The following CTNNA2 variants were observed in gnomAD, a reference collection of about 807,000 sequenced individuals.
CTNNA2 encodes the protein catenin alpha-2.
Under a neutral mutation model 101.0 loss-of-function variants are expected in CTNNA2, and 42 were observed. That is an observed-to-expected ratio of 0.42 (90% CI 0.32 to 0.54). The LOEUF is 0.54. Ranked by LOEUF, CTNNA2 falls within the 20% of genes least tolerant of loss-of-function variation. CTNNA2 has a pLI of 0.14. For missense variants in CTNNA2, 871 were observed against 1,223.1 expected, an observed-to-expected ratio of 0.71 and a Z score of 4.29; for synonymous variants, 450 against 456.4, an observed-to-expected ratio of 0.99 and a Z score of 0.18.
At chr2:79,536,910 C>T (rs1299834644) in intron 1 of CTNNA2, among the ~76,000 whole-genome samples, 1 of 152,054 alleles carries the variant, frequency 6.6e-6, no homozygotes, top group Non-Finnish European at 1.5e-5. Context: ...GCGTGTTGCC[C>T]AGGCTGGGCT....
intron 3 of CTNNA2, among the ~76,000 whole-genome samples, chr2:79,806,700 G>A (rs1022976124): frequency 1.3e-5 from 2 of 151,898 alleles, no homozygotes; most frequent in African/African-American, 2.4e-5. Flanking sequence ...GAGCTGAGTT[G>A]TCAGCTGGAA....
At chr2:79,929,258 G>A (rs1442196758) in intron 7 of CTNNA2, among the ~76,000 whole-genome samples, 1 of 152,060 alleles carries the variant, frequency 6.6e-6, no homozygotes, top group Non-Finnish European at 1.5e-5. Context: ...TAACCAGACA[G>A]GTAGGTACTC....
At chr2:79,817,034 GT>G (rs1015274535) in intron 3 of CTNNA2, among the ~76,000 whole-genome samples, 2 of 151,286 alleles carry the variant, frequency 1.3e-5, no homozygotes, top group African/African-American at 2.4e-5. Flanking sequence ...TTTATTGCCT[GT>G]TTTTTTAATT....
chr2:79,331,222 T>G (rs1676864465), intron 3 of CTNNA2, among the ~76,000 whole-genome samples: 1 of 152,174 alleles, frequency 6.6e-6, no homozygotes, highest in Admixed American at 6.5e-5. Flanking sequence ...CCTGCCAGTC[T>G]TCATTCCTCT....
chr2:80,045,843 CAATAG>C (rs1439694211), intron 7 of CTNNA2, among the ~76,000 whole-genome samples: 2 of 152,020 alleles, frequency 1.3e-5, no homozygotes, highest in East Asian at 3.9e-4. Context: ...CTTTGGGAAA[CAATAG>C]AATAGAAATA....
intron 7 of CTNNA2, among the ~76,000 whole-genome samples, chr2:80,017,915 G>T (rs1044139453): frequency 6.6e-6 from 1 of 150,852 alleles, no homozygotes; most frequent in Non-Finnish European, 1.5e-5. Context: ...TTTAGAAAAT[G>T]GATATAATCT....
intron 18 of CTNNA2, among the ~76,000 whole-genome samples, chr2:80,628,231 A>G (rs1671893154): frequency 6.6e-6 from 1 of 151,986 alleles, no homozygotes; most frequent in Non-Finnish European, 1.5e-5. Context: ...TCAAGCTACC[A>G]TTGACTTTCT....
intron 7 of CTNNA2, among the ~76,000 whole-genome samples, chr2:79,932,413 T>C (rs1256983132): frequency 6.6e-6 from 1 of 152,052 alleles, no homozygotes; most frequent in Non-Finnish European, 1.5e-5. Context: ...GTTTAAAACC[T>C]TTAAGGTTTT....
chr2:80,561,102 T>C (rs975146633), intron 12 of CTNNA2, among the ~76,000 whole-genome samples: 7 of 152,146 alleles, frequency 4.6e-5, no homozygotes, highest in Non-Finnish European at 7.3e-5. Context: ...AGTTTTATGA[T>C]TGGACAGGTC....
chr2:80,302,554 G>A lies in CTNNA2; in HGVS notation c.1057-90657G>A. On this transcript the variant is annotated intron_variant, in intron 7 of 18. Transcript: ENST00000402739. This position sits in a 1 kb window ranked among gnomAD's most constrained non-coding sequence, Gnocchi z 6.4. ...CCGTGACCACCTTGTGGATCTGCACGGCGTTCTCGGCGTGCTCGCCGCCTG... is the reference window on the plus strand; with the variant it reads ...CCGTGACCACCTTGTGGATCTGCACAGCGTTCTCGGCGTGCTCGCCGCCTG... 4.4e-6 allele frequency: 7 copies of A among 1,608,910 alleles called. No individual in the cohort carries two copies. Among genetic ancestry groups the A allele is most frequent in the Non-Finnish European group, 5.9e-6 (7 of 1,179,466 alleles).
chr2:80,106,582 C>T (rs1172954402), intron 7 of CTNNA2, among the ~76,000 whole-genome samples: 2 of 152,158 alleles, frequency 1.3e-5, no homozygotes, highest in African/African-American at 4.8e-5. Flanking sequence ...TAGCTCTTTC[C>T]TAGTCTCTTA....
At chr2:80,247,277 A>G (rs924813174) in intron 7 of CTNNA2, among the ~76,000 whole-genome samples, 4 of 151,832 alleles carry the variant, frequency 2.6e-5, no homozygotes, top group African/African-American at 9.7e-5. Flanking sequence ...GAAGCTTTGG[A>G]CTCCCTGTTG....
intron 13 of CTNNA2, among the ~76,000 whole-genome samples, chr2:80,580,998 A>C (rs1695488252): frequency 7.0e-6 from 1 of 143,490 alleles, no homozygotes; most frequent in South Asian, 2.2e-4. Flanking sequence ...CCTGGGCTAC[A>C]CAGTGAGACC....
intron 1 of CTNNA2, among the ~76,000 whole-genome samples, chr2:79,513,513 C>T (rs1188257567): frequency 6.6e-6 from 1 of 152,156 alleles, no homozygotes. Context: ...CCCTTTCTTA[C>T]CTCTTCCCCG....
intron 7 of CTNNA2, among the ~76,000 whole-genome samples, chr2:80,256,236 CTG>C (rs1254189706): frequency 6.6e-6 from 1 of 152,036 alleles, no homozygotes; most frequent in Non-Finnish European, 1.5e-5. Context: ...CAGTTTTCCC[CTG>C]TGTCAGGGGA....
At chr2:80,571,429 CAT>C (rs774265090) in intron 12 of CTNNA2, among the ~76,000 whole-genome samples, 3 of 152,066 alleles carry the variant, frequency 2.0e-5, no homozygotes, top group South Asian at 2.1e-4. Flanking sequence ...TCTTTTTAAA[CAT>C]GTGAATTATG....
At chr2:80,027,972 C>CAAAAAAAAAA (rs1177032489) in intron 7 of CTNNA2, 1 of 19,838 alleles carries the variant, frequency 5.0e-5, no homozygotes, top group African/African-American at 1.6e-4. Flanking sequence ...GACCCTGTCT[C>CAAAAAAAAAA]AAAAAAAAAA....
chr2:79,333,486 T>C (rs1217762397), intron 3 of CTNNA2, among the ~76,000 whole-genome samples: 1 of 152,138 alleles, frequency 6.6e-6, no homozygotes, highest in Non-Finnish European at 1.5e-5. Flanking sequence ...TCACTAAAAC[T>C]AAGCATTAGA....
chr2:79,886,640 A>G (rs1017130204), intron 6 of CTNNA2, among the ~76,000 whole-genome samples: 45 of 144,002 alleles, frequency 3.1e-4, no homozygotes, highest in African/African-American at 1.1e-3. Flanking sequence ...AGTCCCAGCT[A>G]CTCGGGAGGC....
Sources: allele counts gnomAD v4.1 joint callset (sites outside exome capture counted in the v4.1 genomes callset), GRCh38; gene constraint gnomAD v4.1.1; non-coding constraint Gnocchi (gnomAD v3.1); transcripts MANE v1.5; gene names NCBI Gene and HGNC (gene_info 2026-07-23, HGNC 2026-07-21).